ADAMTS12: variants seen among roughly 807,000 people sequenced by gnomAD.
The protein encoded by ADAMTS12 is ADAM metallopeptidase with thrombospondin type 1 motif 12.
ADAMTS12 carries 118 observed loss-of-function variants against 167.8 expected under a neutral mutation model. The ratio of observed to expected loss-of-function variants is 0.70; its 90% CI spans 0.61 to 0.82. The LOEUF (loss-of-function observed/expected upper bound fraction) is 0.82, where lower values mean the gene tolerates loss of function less well. ADAMTS12 is among the 40% of genes least tolerant of loss of function. The pLI is 0.00. For synonymous variants in ADAMTS12, 704 were observed against 716.9 expected (o/e 0.98, Z 0.29); for missense variants, 1,916 against 1,998.8 (o/e 0.96, Z 0.79).
chr5:33,671,901 C>G (rs1021897990), intron 5 of ADAMTS12, among the ~76,000 whole-genome samples: 26 of 149,762 alleles, frequency 1.7e-4, no homozygotes, highest in African/African-American at 6.2e-4. Context: ...CACACACATC[C>G]ACATACTCAC....
Position 33,526,303 on chromosome 5 carries a change from A to G in ADAMTS12, c.*885T>C, listed in dbSNP as rs1307490396. On this transcript the variant is annotated 3_prime_UTR_variant, in exon 24 of 24. Coordinates refer to ENST00000504830, the MANE Select transcript of ADAMTS12 (RefSeq NM_030955.4). The stretch of plus-strand genomic sequence containing the variant: ...ACCTGAGCTCAGGCCTCCTGTGGGG[A>G]CTGGAGGATGGGAGGAAGTCAGCCA... 6 of 151,994 alleles carry G rather than the reference A, an allele frequency of 3.9e-5. No individual in the cohort carries two copies. Among genetic ancestry groups the G allele is most frequent in the African/African-American group, 1.5e-4 (6 of 41,364 alleles). 9.4% of individuals were successfully genotyped at this position (151,994 alleles called of 1,614,324 possible). A position where few individuals can be genotyped will look rare whatever the true frequency, so the allele number is the denominator to read the frequency against.
chr5:33,658,317 CA>C lies in ADAMTS12; in HGVS notation c.1056del (p.Gly353ValfsTer42). 1 of 1,613,604 alleles carries C rather than the reference CA, an allele frequency of 6.2e-7. No individual in the cohort carries two copies. Among genetic ancestry groups the C allele is most frequent in the South Asian group, 1.1e-5 (1 of 91,054 alleles). On this transcript the variant is annotated frameshift_variant, in exon 7 of 24. Transcript: ENST00000504830. LOFTEE classifies it high-confidence loss of function. ...AGGGTCTCGCAGGGGCGATTGAAACCAGCACAGATGTCCTTTCTGAAAGCAG... is the reference window on the plus strand; with the variant it reads ...AGGGTCTCGCAGGGGCGATTGAAACCGCACAGATGTCCTTTCTGAAAGCAG... ...AVLLTRKDIC[A>X]GFNRPCETLG...
At chr5:33,872,992 C>T (rs138983399) in intron 2 of ADAMTS12, among the ~76,000 whole-genome samples, 137 of 152,210 alleles carry the variant, frequency 9.0e-4, no homozygotes, top group African/African-American at 3.2e-3. Context: ...AATCTAGAAG[C>T]TTTCCCACTA....
Position 33,701,339 on chromosome 5 carries a change from T to C in ADAMTS12, c.635-17284A>G, listed in dbSNP as rs149747296. Among the ~76,000 whole-genome samples the C allele has an allele frequency of 6.5e-3, 990 of 152,298 alleles. 14 individuals are homozygous for C. Among genetic ancestry groups the C allele is most frequent in the African/African-American group, 0.023 (942 of 41,580 alleles). On this transcript the variant is annotated intron_variant, in intron 3 of 23. Transcript: ENST00000504830. Reference sequence around the variant, plus strand: ...CTCTCTTCCAAAATTTGTTCTTTCCTCCTTCCTTACTAGCTGGGCTCTGAC... The same window carrying C: ...CTCTCTTCCAAAATTTGTTCTTTCCCCCTTCCTTACTAGCTGGGCTCTGAC...
intron 23 of ADAMTS12, among the ~76,000 whole-genome samples, chr5:33,534,065 C>T (rs776258152): frequency 5.9e-5 from 9 of 152,184 alleles, no homozygotes; most frequent in African/African-American, 1.2e-4. Flanking sequence ...GTGGAATGGA[C>T]ATTATAGGTC....
chr5:33,587,338 T>C (rs1940634944), intron 18 of ADAMTS12, among the ~76,000 whole-genome samples: 1 of 152,266 alleles, frequency 6.6e-6, no homozygotes, highest in Non-Finnish European at 1.5e-5. Flanking sequence ...TATTCATTTA[T>C]CCATCAGGCC....
At chr5:33,549,051 C>T (rs1745121162) in intron 21 of ADAMTS12, among the ~76,000 whole-genome samples, 156 bp downstream of exon 21, 1 of 152,240 alleles carries the variant, frequency 6.6e-6, no homozygotes, top group Non-Finnish European at 1.5e-5. Context: ...TAGACCCATT[C>T]AGCTTCTCAC....
At chr5:33,821,159 T>G (rs190353046) in intron 2 of ADAMTS12, among the ~76,000 whole-genome samples, 68 of 152,316 alleles carry the variant, frequency 4.5e-4, no homozygotes, top group South Asian at 4.3e-3. Context: ...TCATCTCACA[T>G]GATCATAACA....
intron 5 of ADAMTS12, among the ~76,000 whole-genome samples, chr5:33,676,207 A>C (rs1446496090): frequency 6.6e-6 from 1 of 152,168 alleles, no homozygotes; most frequent in Non-Finnish European, 1.5e-5. Context: ...ATGGGAAATA[A>C]TTTTGCAAGA....
chr5:33,756,747 G>A (rs939442694), intron 2 of ADAMTS12, among the ~76,000 whole-genome samples: 1 of 152,166 alleles, frequency 6.6e-6, no homozygotes, highest in African/African-American at 2.4e-5. Flanking sequence ...AATATGGACT[G>A]AAGCCAGGAA....
intron 3 of ADAMTS12, among the ~76,000 whole-genome samples, chr5:33,730,229 T>C (rs1347159775): frequency 6.6e-6 from 1 of 151,872 alleles, no homozygotes; most frequent in African/African-American, 2.4e-5. Context: ...ATGTGTGGCA[T>C]TGTATAAGTA....
At chr5:33,538,343 C>G (rs1057066160) in intron 22 of ADAMTS12, among the ~76,000 whole-genome samples, 3 of 152,112 alleles carry the variant, frequency 2.0e-5, no homozygotes, top group Non-Finnish European at 4.4e-5. Flanking sequence ...GAAACTGCCC[C>G]CCATGATCCG....
intron 3 of ADAMTS12, among the ~76,000 whole-genome samples, chr5:33,738,389 G>A (rs1011652260): frequency 6.6e-6 from 1 of 152,010 alleles, no homozygotes; most frequent in Non-Finnish European, 1.5e-5. Context: ...GCTAATAGCC[G>A]CTTTAGGCTG....
intron 2 of ADAMTS12, among the ~76,000 whole-genome samples, chr5:33,853,720 C>T (rs755286132): frequency 6.6e-6 from 1 of 152,184 alleles, no homozygotes; most frequent in African/African-American, 2.4e-5. Context: ...GGATGCAAGA[C>T]ATAAAAGGGT....
rs1743842565 is a variant in ADAMTS12, at chr5:33,526,895, C to G, written c.*293G>C. On this transcript the variant is annotated 3_prime_UTR_variant, in exon 24 of 24. Transcript: ENST00000504830. ...TTATCTTTAAGGGAGAACAAAAATA[C>G]AGTATTTCACAAATCTGTCTAACCT... 3.1e-6 allele frequency: 1 copy of G among 323,916 alleles called. No homozygotes were observed. Among genetic ancestry groups the G allele is most frequent in the African/African-American group, 2.1e-5 (1 of 47,626 alleles). The allele number at this position is 323,916 out of a possible 1,614,324, so 20.1% of individuals were successfully genotyped here.
At chr5:33,689,411 T>TC (rs1201625514) in intron 3 of ADAMTS12, among the ~76,000 whole-genome samples, 5 of 5,024 alleles carry the variant, frequency 1.0e-3, no homozygotes, top group Admixed American at 1.8e-3. Flanking sequence ...AAGGATCAAC[T>TC]CAAAAAAAAA....
At chr5:33,838,941 T>C (rs956817916) in intron 2 of ADAMTS12, among the ~76,000 whole-genome samples, 1 of 152,196 alleles carries the variant, frequency 6.6e-6, no homozygotes, top group African/African-American at 2.4e-5. Flanking sequence ...CTGCCCCTTC[T>C]GCTGGATAAA....
chr5:33,609,558 G>C (rs111966138), intron 16 of ADAMTS12, among the ~76,000 whole-genome samples: 4 of 152,100 alleles, frequency 2.6e-5, no homozygotes, highest in African/African-American at 9.6e-5. Flanking sequence ...ATTTGTTGTA[G>C]AGACAGAGTT....
intron 5 of ADAMTS12, among the ~76,000 whole-genome samples, chr5:33,664,329 A>G (rs918016036): frequency 2.6e-5 from 4 of 152,228 alleles, no homozygotes; most frequent in Non-Finnish European, 5.9e-5. Context: ...AGTCACATAG[A>G]TCAATGAAAC....
Sources: allele counts gnomAD v4.1 joint callset (sites outside exome capture counted in the v4.1 genomes callset), GRCh38; gene constraint gnomAD v4.1.1; transcripts MANE v1.5; gene names NCBI Gene and HGNC (gene_info 2026-07-23, HGNC 2026-07-21).